The following POLR2K variants were observed in gnomAD, a reference collection of about 807,000 sequenced individuals.
The protein encoded by POLR2K is DNA-directed RNA polymerases I, II, and III subunit RPABC4.
Under a neutral mutation model 10.1 loss-of-function variants are expected in POLR2K, and 9 were observed. The ratio of observed to expected loss-of-function variants is 0.89; its 90% CI spans 0.54 to 1.56. The LOEUF (loss-of-function observed/expected upper bound fraction) is 1.56, where lower values mean the gene tolerates loss of function less well. POLR2K is among the 40% of genes most tolerant of loss of function. The pLI, the probability that POLR2K is intolerant of heterozygous loss-of-function variation, is 0.00. For missense variants in POLR2K, 53 were observed against 71.9 expected (o/e 0.74, Z 0.95); for synonymous variants, 19 against 20.3 (o/e 0.94, Z 0.17).
At position 100,151,425 on chromosome 8, in the gene POLR2K, A is replaced by T; in HGVS notation, c.61+9A>T. On this transcript the variant is annotated intron_variant, in intron 2 of 3. Transcript: ENST00000353107. ...GATATATATCTGTGGAGGTAAGAGTAGCACTTACCTAAAGTAAGAATATTT... is the reference window on the plus strand; with the variant it reads ...GATATATATCTGTGGAGGTAAGAGTTGCACTTACCTAAAGTAAGAATATTT... 6.6e-7 allele frequency: 1 copy of T among 1,513,898 alleles called. No individual in the cohort carries two copies. Among genetic ancestry groups the T allele is most frequent in the Non-Finnish European group, 9.2e-7 (1 of 1,088,470 alleles). The allele number at this position is 1,513,898 out of a possible 1,614,324, so 93.8% of individuals were successfully genotyped here.
Position 100,153,576 on chromosome 8 carries a change from C to T in POLR2K, c.*260C>T, listed in dbSNP as rs565918432. ...AGAGATTAATAATAATGTAATAGAA[C>T]AATGATAACATACTATAATAAAAGT... On this transcript the variant is annotated 3_prime_UTR_variant, in exon 4 of 4. Coordinates refer to ENST00000353107, the MANE Select transcript of POLR2K (RefSeq NM_005034.4). 118 of 333,910 alleles carry T rather than the reference C, an allele frequency of 3.5e-4. No homozygotes were observed. The highest frequency in any genetic ancestry group is 5.5e-4 in the Non-Finnish European group (103 of 186,578). The allele number at this position is 333,910 out of a possible 1,614,324, so 20.7% of individuals were successfully genotyped here.
Position 100,150,669 on chromosome 8 carries a change from T to C in POLR2K, c.-50T>C, listed in dbSNP as rs1814904113. On this transcript the variant is annotated 5_prime_UTR_variant, in exon 1 of 4. Transcript: ENST00000353107. ...GTCTCGACACCTGGACTAGCCGGGT[T>C]GTATTTGGAAACGCGGAGTGAGTTT... 2 of 152,342 alleles carry C rather than the reference T, an allele frequency of 1.3e-5. No homozygotes were observed. Among genetic ancestry groups the C allele is most frequent in the African/African-American group, 4.8e-5 (2 of 41,444 alleles). 9.4% of individuals were successfully genotyped at this position (152,342 alleles called of 1,614,324 possible). A position where few individuals can be genotyped will look rare whatever the true frequency, so the allele number is the denominator to read the frequency against.
At chr8:100,151,522 G>A (rs1814918350) in intron 2 of POLR2K, 106 bp downstream of exon 2, 1 of 801,370 alleles carries the variant, frequency 1.2e-6, no homozygotes, top group South Asian at 1.5e-5. Context: ...GAGTTATAAA[G>A]TAGAACACTT....
chr8:100,150,993 G>A (rs1368535382), intron 1 of POLR2K, among the ~76,000 whole-genome samples: 1 of 152,156 alleles, frequency 6.6e-6, no homozygotes, highest in Non-Finnish European at 1.5e-5. Context: ...AAACGAGAAC[G>A]CGAGCTTTAC....
At chr8:100,153,265 GT>G (rs1814943670) in intron 3 of POLR2K, 28 bp from the exon 4 acceptor site, 2 of 1,577,238 alleles carry the variant, frequency 1.3e-6, no homozygotes, top group African/African-American at 1.3e-5. Flanking sequence ...TTTAAGTACC[GT>G]TTTTGTCCTT....
Position 100,151,929 on chromosome 8 carries a change from C to G in POLR2K, c.154+13C>G. 8.8e-7 allele frequency: 1 copy of G among 1,136,878 alleles called. No homozygotes were observed. Among genetic ancestry groups the G allele is most frequent in the Non-Finnish European group, 1.3e-6 (1 of 747,838 alleles). The allele number at this position is 1,136,878 out of a possible 1,614,324, so 70.4% of individuals were successfully genotyped here. A position where few individuals can be genotyped will look rare whatever the true frequency, so the allele number is the denominator to read the frequency against. On this transcript the variant is annotated intron_variant, in intron 3 of 3. Transcript: ENST00000353107. ...AGGACTAAAAGATGTATCCTTTTAA[C>G]GATGCTTTCTAAATATGAGTTAGGA...
chr8:100,153,390 C>A lies in POLR2K; in HGVS notation c.*74C>A. The A allele has an allele frequency of 1.4e-6, 2 of 1,388,190 alleles. No individual in the cohort carries two copies. Among genetic ancestry groups the A allele is most frequent in the Non-Finnish European group, 2.0e-6 (2 of 981,136 alleles). 86.0% of individuals were successfully genotyped at this position (1,388,190 alleles called of 1,614,324 possible). ...CTTCCCATTTCTGATTGTTGTATAG[C>A]TTTCGATTTTGCTTACAGTAGTTCC... is the stretch of plus-strand genomic sequence containing the variant. On this transcript the variant is annotated 3_prime_UTR_variant, in exon 4 of 4. Coordinates refer to ENST00000353107, the MANE Select transcript of POLR2K (RefSeq NM_005034.4).
rs144683279 is a variant in POLR2K at position 100,151,229 on chromosome 8, T to C, written c.-9-118T>C. The C allele has an allele frequency of 8.3e-3, 6,256 of 754,372 alleles. 48 individuals carry two copies. The highest frequency in any genetic ancestry group is 0.012 in the Middle Eastern group (52 of 4,290). 46.7% of individuals were successfully genotyped at this position (754,372 alleles called of 1,614,324 possible). On this transcript the variant is annotated intron_variant, in intron 1 of 3. Transcript: ENST00000353107. ...GTCCTTGAGACCTAACCCATAGGAT[T>C]TGGGGAAAGGAACAGATTAGGAATT...
chr8:100,152,774 G>GT lies in POLR2K; in HGVS notation c.155-511dup, dbSNP rs768773005. ...TAGTGTTTTTTTTTGTTTGTTTTTTGTTTTTTTTTGAGACGGAGTCTCGCT... is the reference window on the plus strand; with the variant it reads ...TAGTGTTTTTTTTTGTTTGTTTTTTGTTTTTTTTTTGAGACGGAGTCTCGCT... On this transcript the variant is annotated intron_variant, in intron 3 of 3. Transcript: ENST00000353107. 2.8e-3 allele frequency among the ~76,000 whole-genome samples: 422 copies of GT among 150,286 alleles called. 4 individuals carry two copies. Among genetic ancestry groups the GT allele is most frequent in the East Asian group, 0.025 (127 of 5,116 alleles).
chr8:100,152,186 C>T, intron 3 of POLR2K: 1 of 553,082 alleles, frequency 1.8e-6, no homozygotes, highest in Non-Finnish European at 3.1e-6. Flanking sequence ...TGTCCTTAAG[C>T]AATTTCATCA....
rs908755015 is a variant in POLR2K at position 100,152,664 on chromosome 8, G to A, written c.155-630G>A. Among the ~76,000 whole-genome samples, 5 of 152,316 alleles carry A rather than the reference G, an allele frequency of 3.3e-5. No homozygotes were observed. In the East Asian group the frequency reaches 9.6e-4, roughly 29 times the overall value. On this transcript the variant is annotated intron_variant, in intron 3 of 3. Coordinates refer to ENST00000353107, the MANE Select transcript of POLR2K (RefSeq NM_005034.4). ...CTGGGCAACATAGTGTGACCCCCAT[G>A]TGGAAAAATAAAATACAGAGTAAAT... is the stretch of plus-strand genomic sequence containing the variant.
At chr8:100,151,286 G>T (rs540971450) in intron 1 of POLR2K, 61 bp from the exon 2 acceptor site, 64 of 1,059,264 alleles carry the variant, frequency 6.0e-5, no homozygotes, top group Non-Finnish European at 8.8e-5. Flanking sequence ...AGAAAAATGG[G>T]CCCGGATGGA....
In POLR2K at chr8:100,151,850, T is replaced by C; in HGVS notation, c.88T>C (p.Ser30Pro). The change falls in exon 3 of 4, where the codon TCT (serine) becomes CCT (proline). Residue 30 changes from serine (S) to proline (P), a missense_variant. Coordinates refer to ENST00000353107, the MANE Select transcript of POLR2K (RefSeq NM_005034.4). Reference protein sequence around the residue: ...GECHTENEIKSRDPIRCRECG... With the variant: ...GECHTENEIKPRDPIRCRECG... The stretch of plus-strand genomic sequence containing the variant: ...GTGTCACACAGAAAATGAAATAAAA[T>C]CTAGGGATCCAATCAGATGCAGAGA... 1.9e-6 allele frequency: 3 copies of C among 1,558,718 alleles called. No homozygotes were observed. Among genetic ancestry groups the C allele is most frequent in the Non-Finnish European group, 2.6e-6 (3 of 1,138,240 alleles).
chr8:100,153,029 A>G (rs1384706203), intron 3 of POLR2K, among the ~76,000 whole-genome samples: 1 of 152,040 alleles, frequency 6.6e-6, no homozygotes, highest in Non-Finnish European at 1.5e-5. Context: ...CAGCCTCCCA[A>G]AGTACTGGGA....
intron 3 of POLR2K, among the ~76,000 whole-genome samples, chr8:100,152,897 A>G (rs1814939436): frequency 6.6e-6 from 1 of 151,966 alleles, no homozygotes; most frequent in Non-Finnish European, 1.5e-5. Context: ...CCTCCTGAGT[A>G]GCTGGGACTA....
chr8:100,153,359 T>C lies in POLR2K; in HGVS notation c.*43T>C, dbSNP rs1479009088. On this transcript the variant is annotated 3_prime_UTR_variant, in exon 4 of 4. Coordinates refer to ENST00000353107, the MANE Select transcript of POLR2K (RefSeq NM_005034.4). ...GAATGTCTTCACTTATACTTGGATT[T>C]GCTCTCTTCCCATTTCTGATTGTTG... The C allele has an allele frequency of 6.4e-7, 1 of 1,565,928 alleles. No homozygotes were observed. Among genetic ancestry groups the C allele is most frequent in the African/African-American group, 1.4e-5 (1 of 73,862 alleles).
chr8:100,151,838 A>C lies in POLR2K; in HGVS notation c.76A>C (p.Asn26His), dbSNP rs1242861147. 1 of 1,533,924 alleles carries C rather than the reference A, an allele frequency of 6.5e-7. No individual in the cohort carries two copies. The highest frequency in any genetic ancestry group is 8.9e-7 in the Non-Finnish European group (1 of 1,118,686). The part of the protein sequence containing the change: ...IYICGECHTE[N>H]EIKSRDPIRC... Reference sequence around the variant, plus strand: ...TTTAATTCTAGAGTGTCACACAGAAAATGAAATAAAATCTAGGGATCCAAT... The same window carrying C: ...TTTAATTCTAGAGTGTCACACAGAACATGAAATAAAATCTAGGGATCCAAT... The change falls in exon 3 of 4, where the codon AAT (asparagine) becomes CAT (histidine). Residue 26 changes from asparagine to histidine, a missense_variant. By Grantham distance (68) the Asn-to-His change is moderately conservative (BLOSUM62 1). Transcript: ENST00000353107.
At chr8:100,151,168 T>G (rs1168237761) in intron 1 of POLR2K, among the ~76,000 whole-genome samples, 179 bp from the exon 2 acceptor site, 2 of 152,238 alleles carry the variant, frequency 1.3e-5, no homozygotes, top group African/African-American at 4.8e-5. Flanking sequence ...ATGTCCAGTT[T>G]GGGGTAAACG....
At chr8:100,152,054 A>G (rs971284186) in intron 3 of POLR2K, 138 bp downstream of exon 3, 2 of 657,424 alleles carry the variant, frequency 3.0e-6, no homozygotes, top group African/African-American at 3.8e-5. Context: ...TAGCATTTTC[A>G]TGGACCAATG....
Sources: allele counts gnomAD v4.1 joint callset (sites outside exome capture counted in the v4.1 genomes callset), GRCh38; gene constraint gnomAD v4.1.1; transcripts MANE v1.5; gene names NCBI Gene and HGNC (gene_info 2026-07-23, HGNC 2026-07-21).